Variants in NAV2 observed in about 807,000 individuals in gnomAD.
NAV2 encodes neuron navigator 2.
NAV2 carries 54 observed loss-of-function variants against 223.2 expected under a neutral mutation model. The ratio of observed to expected loss-of-function variants is 0.24; its 90% CI spans 0.19 to 0.30. The LOEUF is 0.30. Ranked by LOEUF, NAV2 falls within the 10% of genes least tolerant of loss-of-function variation. The probability of loss-of-function intolerance (pLI) is 1.00; values close to 1 mark genes in which losing one functional copy is unlikely to be tolerated. For synonymous variants in NAV2, 1,279 were observed against 1,239.3 expected (o/e 1.03, Z -0.67); for missense variants, 2,806 against 3,147.5 (o/e 0.89, Z 2.60).
At chr11:19,984,332 G>T in intron 11 of NAV2, 85 bp downstream of exon 11, 1 of 1,591,940 alleles carries the variant, frequency 6.3e-7, no homozygotes, top group Non-Finnish European at 8.6e-7. Flanking sequence ...TATTGGGAGA[G>T]TGAATGGAGA....
At chr11:19,906,586 A>T (rs558077054) in intron 6 of NAV2, among the ~76,000 whole-genome samples, 38 of 152,328 alleles carry the variant, frequency 2.5e-4, no homozygotes, top group African/African-American at 8.9e-4. Context: ...TTTAAGATGT[A>T]CTAAGACATA....
intron 6 of NAV2, among the ~76,000 whole-genome samples, chr11:19,902,601 A>G (rs903239336): frequency 1.3e-5 from 2 of 152,222 alleles, no homozygotes; most frequent in African/African-American, 4.8e-5. Flanking sequence ...CGATCTTCAG[A>G]TGATAAATCT....
At chr11:19,363,782 T>C (rs1849005192) in intron 1 of NAV2, among the ~76,000 whole-genome samples, 2 of 152,186 alleles carry the variant, frequency 1.3e-5, no homozygotes, top group African/African-American at 4.8e-5. Context: ...TCTCTTCAGG[T>C]TTGATGATTT....
At chr11:19,481,049 A>G (rs1226685207) in intron 1 of NAV2, among the ~76,000 whole-genome samples, 1 of 152,166 alleles carries the variant, frequency 6.6e-6, no homozygotes, top group African/African-American at 2.4e-5. Context: ...TGCAGCCCGG[A>G]CAGGTGACTG....
rs11267537 is a variant in NAV2 at position 20,106,175 on chromosome 11, A to ATATGTGTGTGTG, written c.6841+449_6841+450insATGTGTGTGTGT. On this transcript the variant is annotated intron_variant, in intron 35 of 37. Transcript: ENST00000349880. ...TGTGTGTATATATATATATATATAT[A>ATATGTGTGTGTG]TGTGTGTGTATATATATATATATAT... 8.1e-4 allele frequency among the ~76,000 whole-genome samples: 29 copies of ATATGTGTGTGTG among 35,828 alleles called. 2 individuals carry two copies. The highest frequency in any genetic ancestry group is 3.7e-3 in the South Asian group (3 of 816). The allele number at this position is 35,828 out of a possible 152,430, so 23.5% of individuals were successfully genotyped here. A position where few individuals can be genotyped will look rare whatever the true frequency, so the allele number is the denominator to read the frequency against.
intron 1 of NAV2, among the ~76,000 whole-genome samples, chr11:19,357,399 C>G (rs1366436309): frequency 1.3e-5 from 2 of 152,148 alleles, no homozygotes; most frequent in Non-Finnish European, 2.9e-5. Context: ...TTTAACCTTT[C>G]TAGCCTCTCC....
intron 1 of NAV2, among the ~76,000 whole-genome samples, chr11:19,686,570 C>T (rs2049031053): frequency 6.6e-6 from 1 of 152,222 alleles, no homozygotes; most frequent in South Asian, 2.1e-4. Context: ...TCTCCTCTCA[C>T]TTAAAGGGGT....
chr11:19,739,207 C>A (rs1293563110), intron 1 of NAV2, among the ~76,000 whole-genome samples: 1 of 152,128 alleles, frequency 6.6e-6, no homozygotes, highest in Admixed American at 6.5e-5. Flanking sequence ...GATACATAGA[C>A]AACTCTTACA....
At chr11:19,900,545 G>A (rs994978496) in intron 6 of NAV2, among the ~76,000 whole-genome samples, 1 of 152,114 alleles carries the variant, frequency 6.6e-6, no homozygotes, top group Admixed American at 6.5e-5. Context: ...CAGCTCAGGT[G>A]TGAGGGAATA....
intron 1 of NAV2, among the ~76,000 whole-genome samples, chr11:19,352,552 G>A (rs747491679): frequency 7.2e-5 from 11 of 152,170 alleles, no homozygotes; most frequent in East Asian, 1.9e-4. Flanking sequence ...GAGGCTCTGC[G>A]GCAGCTGGGG....
At chr11:19,557,834 C>G (rs903086868) in intron 1 of NAV2, among the ~76,000 whole-genome samples, 8 of 152,170 alleles carry the variant, frequency 5.3e-5, no homozygotes, top group African/African-American at 1.9e-4. Context: ...TGTGTCCAAA[C>G]GGAAGGCTTG....
At chr11:19,883,658 A>G (rs1415675971) in intron 5 of NAV2, among the ~76,000 whole-genome samples, 1 of 152,258 alleles carries the variant, frequency 6.6e-6, no homozygotes, top group Non-Finnish European at 1.5e-5. Context: ...TGCAAGAAAG[A>G]TAAATATTTC....
chr11:19,737,674 A>G (rs2052448326), intron 1 of NAV2, among the ~76,000 whole-genome samples: 1 of 152,210 alleles, frequency 6.6e-6, no homozygotes, highest in Non-Finnish European at 1.5e-5. Flanking sequence ...TGGAGATAAG[A>G]GTTCTTACCC....
chr11:19,707,663 G>A (rs1269673916), intron 1 of NAV2, among the ~76,000 whole-genome samples: 1 of 152,118 alleles, frequency 6.6e-6, no homozygotes, highest in Non-Finnish European at 1.5e-5. Context: ...ACAATGAATA[G>A]TACAGTAAAT....
intron 1 of NAV2, among the ~76,000 whole-genome samples, chr11:19,500,547 T>C (rs1425757689): frequency 6.6e-6 from 1 of 152,218 alleles, no homozygotes; most frequent in African/African-American, 2.4e-5. Flanking sequence ...TTTTATCACA[T>C]CTGAAAAATA....
At chr11:19,543,400 T>C in intron 1 of NAV2, among the ~76,000 whole-genome samples, 1 of 152,236 alleles carries the variant, frequency 6.6e-6, no homozygotes, top group South Asian at 2.1e-4. Flanking sequence ...CAGTAATCAT[T>C]GCTATCATCA....
chr11:19,939,304 A>G (rs569401618), intron 7 of NAV2, among the ~76,000 whole-genome samples: 1 of 152,282 alleles, frequency 6.6e-6, no homozygotes, highest in Admixed American at 6.5e-5. Flanking sequence ...CTGGTTACTT[A>G]GAAGCTGTTC....
At chr11:19,569,707 G>A (rs1462741143) in intron 1 of NAV2, among the ~76,000 whole-genome samples, 1 of 152,114 alleles carries the variant, frequency 6.6e-6, no homozygotes, top group Non-Finnish European at 1.5e-5. Context: ...AGGATGCAAA[G>A]GGCTACATCT....
intron 24 of NAV2, among the ~76,000 whole-genome samples, chr11:20,079,212 T>C (rs2059942096): frequency 6.6e-6 from 1 of 152,176 alleles, no homozygotes; most frequent in Non-Finnish European, 1.5e-5. Context: ...GGCTGGTTTT[T>C]GTATTTTTAG....
Sources: allele counts gnomAD v4.1 joint callset (sites outside exome capture counted in the v4.1 genomes callset), GRCh38; gene constraint gnomAD v4.1.1; transcripts MANE v1.5; gene names NCBI Gene and HGNC (gene_info 2026-07-23, HGNC 2026-07-21).